Variants in BAG4 observed in about 807,000 individuals in gnomAD.
BAG4 encodes BAG cochaperone 4, also known as BAG family molecular chaperone regulator 4.
BAG4 carries 28 observed loss-of-function variants against 52.1 expected under a neutral mutation model. The ratio of observed to expected loss-of-function variants is 0.54; its 90% CI spans 0.40 to 0.74. The LOEUF is 0.74. Ranked by LOEUF, BAG4 falls within the 30% of genes least tolerant of loss-of-function variation. The pLI is 0.00. For missense variants in BAG4, 525 were observed against 572.0 expected, an observed-to-expected ratio of 0.92 and a Z score of 0.84; for synonymous variants, 208 against 217.0, an observed-to-expected ratio of 0.96 and a Z score of 0.37.
intron 2 of BAG4, among the ~76,000 whole-genome samples, chr8:38,203,305 CAG>C (rs2130687165): frequency 8.4e-6 from 1 of 118,654 alleles, no homozygotes; most frequent in Admixed American, 1.0e-4. Flanking sequence ...TTTTTTTGGA[CAG>C]AGTTTCACTC....
chr8:38,192,260 C>T (rs907029096), intron 1 of BAG4, among the ~76,000 whole-genome samples: 2 of 152,144 alleles, frequency 1.3e-5, no homozygotes, highest in African/African-American at 4.8e-5. Flanking sequence ...TCTAATGTCT[C>T]TGATTTTGCT....
chr8:38,191,178 C>A (rs929034144), intron 1 of BAG4, among the ~76,000 whole-genome samples: 7 of 152,150 alleles, frequency 4.6e-5, no homozygotes, highest in African/African-American at 1.7e-4. Flanking sequence ...TCTCCTATCT[C>A]CCATTGTGAA....
intron 1 of BAG4, among the ~76,000 whole-genome samples, chr8:38,179,726 A>T (rs1222784403): frequency 1.3e-5 from 2 of 152,018 alleles, no homozygotes; most frequent in East Asian, 3.9e-4. Flanking sequence ...AGATCACACC[A>T]TTCCACTCTA....
At chr8:38,202,824 G>A (rs1480614974) in intron 2 of BAG4, 1 of 152,158 alleles carries the variant, frequency 6.6e-6, no homozygotes, top group African/African-American at 2.4e-5. Flanking sequence ...TTACAAGAAT[G>A]AGCTACCACG....
At chr8:38,209,410 C>A in intron 4 of BAG4, 143 bp downstream of exon 4, 1 of 1,077,366 alleles carries the variant, frequency 9.3e-7, no homozygotes, top group Non-Finnish European at 1.3e-6. Flanking sequence ...TTTACCTCAG[C>A]TCGGTTTCCT....
intron 2 of BAG4, among the ~76,000 whole-genome samples, chr8:38,194,837 GT>G (rs1342567868): frequency 7.6e-4 from 92 of 120,312 alleles, no homozygotes; most frequent in African/African-American, 2.7e-3. Context: ...TTACTGGGGT[GT>G]TTTTTTTTGT....
At chr8:38,194,528 G>A (rs1044544581) in intron 2 of BAG4, among the ~76,000 whole-genome samples, 15 of 145,666 alleles carry the variant, frequency 1.0e-4, no homozygotes, top group Non-Finnish European at 1.3e-4. Flanking sequence ...ATGATTCTCC[G>A]CCTCAGCCTC....
At position 38,177,144 on chromosome 8, in the gene BAG4, G is replaced by A. The variant is rs775291848; in HGVS notation, c.270+5G>A. 1.9e-6 allele frequency: 3 copies of A among 1,612,350 alleles called. No individual in the cohort carries two copies. Among genetic ancestry groups the A allele is most frequent in the Admixed American group, 1.7e-5 (1 of 59,732 alleles). On this transcript the variant is annotated splice_donor_5th_base_variant and intron_variant, in intron 1 of 4. Coordinates refer to ENST00000287322, the MANE Select transcript of BAG4 (RefSeq NM_004874.4). Reference sequence around the variant, plus strand: ...CGAGCCGGAGGAAGCCACCAGGTAAGCTTTGCACCCTCTGTCCTTGCGGGG... The same window carrying A: ...CGAGCCGGAGGAAGCCACCAGGTAAACTTTGCACCCTCTGTCCTTGCGGGG...
intron 2 of BAG4, chr8:38,202,151 G>A (rs1441542802): frequency 2.6e-5 from 4 of 151,852 alleles, no homozygotes. Flanking sequence ...TGTATCTCTG[G>A]AAGCAGAAGA....
chr8:38,192,256 G>C (rs1378506429), intron 1 of BAG4, among the ~76,000 whole-genome samples: 2 of 152,192 alleles, frequency 1.3e-5, no homozygotes, highest in African/African-American at 4.8e-5. Context: ...GTGATCTAAT[G>C]TCTCTGATTT....
chr8:38,184,193 G>A (rs188114089), intron 1 of BAG4, among the ~76,000 whole-genome samples: 218 of 152,212 alleles, frequency 1.4e-3, no homozygotes, highest in Middle Eastern at 6.8e-3. Flanking sequence ...ATGGCCGGGC[G>A]CAGTGGCTCA....
chr8:38,195,003 C>G (rs1367628994), intron 2 of BAG4, among the ~76,000 whole-genome samples: 2 of 151,236 alleles, frequency 1.3e-5, no homozygotes, highest in Non-Finnish European at 2.9e-5. Flanking sequence ...TACAGGCGCC[C>G]GCCACCACGC....
intron 4 of BAG4, chr8:38,209,641 T>C (rs1464958710): frequency 2.8e-6 from 1 of 360,704 alleles, no homozygotes; most frequent in East Asian, 5.8e-5. Context: ...TTGAACATTA[T>C]CACTTGTGGC....
chr8:38,207,891 A>G, intron 3 of BAG4, 125 bp downstream of exon 3: 2 of 1,183,992 alleles, frequency 1.7e-6, no homozygotes, highest in East Asian at 5.1e-5. Flanking sequence ...AGGCTTTTAT[A>G]TTGATGCCTT....
At chr8:38,203,482 A>G (rs1803717846) in intron 2 of BAG4, among the ~76,000 whole-genome samples, 2 of 151,834 alleles carry the variant, frequency 1.3e-5, no homozygotes, top group Non-Finnish European at 2.9e-5. Context: ...ACAGGGTTTC[A>G]CCGTGTTAGC....
chr8:38,207,856 T>C, intron 3 of BAG4, 90 bp downstream of exon 3: 3 of 1,441,302 alleles, frequency 2.1e-6, no homozygotes, highest in Non-Finnish European at 2.8e-6. Flanking sequence ...TAGTGCTGAT[T>C]TAATAAGACA....
rs869085692 is a variant in BAG4, at chr8:38,201,880, A to ATTTTT, written c.379-5607_379-5603dup. On this transcript the variant is annotated intron_variant, in intron 2 of 4. Coordinates refer to ENST00000287322, the MANE Select transcript of BAG4 (RefSeq NM_004874.4). The stretch of plus-strand genomic sequence containing the variant: ...TATATATATATATATATATATATAT[A>ATTTTT]TTTTTTTTTTTTTTTTTTTTTTTTT... The ATTTTT allele has an allele frequency of 1.5e-3, 11 of 7,536 alleles. 1 individual carries two copies. The highest frequency in any genetic ancestry group is 3.0e-3 in the African/African-American group (6 of 1,992). The allele number at this position is 7,536 out of a possible 1,614,324, so 0.5% of individuals were successfully genotyped here.
intron 2 of BAG4, among the ~76,000 whole-genome samples, chr8:38,194,314 G>C (rs1398352778): frequency 6.6e-6 from 1 of 150,490 alleles, no homozygotes; most frequent in Non-Finnish European, 1.5e-5. Flanking sequence ...CCTGCAGCTT[G>C]CTTCTTTTGC....
At chr8:38,196,703 G>A (rs1325229481) in intron 2 of BAG4, among the ~76,000 whole-genome samples, 2 of 152,028 alleles carry the variant, frequency 1.3e-5, no homozygotes, top group African/African-American at 4.8e-5. Flanking sequence ...TTGATTTGCA[G>A]TTCTCTGATG....
Sources: gnomAD v4.1 joint callset for allele counts (sites outside exome capture counted in the v4.1 genomes callset) on GRCh38, gnomAD v4.1.1 for gene constraint, MANE v1.5 for transcripts, NCBI Gene and HGNC (gene_info 2026-07-23, HGNC 2026-07-21) for gene names.